CAMK2B: variants seen among roughly 807,000 people sequenced by gnomAD.
The protein encoded by CAMK2B is calcium/calmodulin-dependent protein kinase type II subunit beta.
Under a neutral mutation model 93.7 loss-of-function variants are expected in CAMK2B, and 27 were observed. That is an observed-to-expected ratio of 0.29 (90% CI 0.21 to 0.40). CAMK2B has a LOEUF of 0.40. Ranked by LOEUF, CAMK2B falls within the 10% of genes least tolerant of loss-of-function variation. CAMK2B has a pLI of 1.00. For missense variants in CAMK2B, 568 were observed against 895.8 expected, an observed-to-expected ratio of 0.63 and a Z score of 4.67; for synonymous variants, 374 against 358.8, an observed-to-expected ratio of 1.04 and a Z score of -0.48.
In CAMK2B at chr7:44,224,284, C is replaced by T. The variant is rs1434644454; in HGVS notation, c.1597+2232G>A. ...GCTCAACCCAGCCCCCACTCTGCCT[C>T]CCCACATAGCACATGGGAGCTTTTG... On this transcript the variant is annotated intron_variant, in intron 20 of 23. Transcript: ENST00000395749. The surrounding 1 kb of genome is among the most constrained non-coding windows in gnomAD (Gnocchi z 4.4). Among the ~76,000 whole-genome samples, 7 of 152,210 alleles carry T rather than the reference C, an allele frequency of 4.6e-5. No individual in the cohort carries two copies. The highest frequency in any genetic ancestry group is 1.7e-4 in the African/African-American group (7 of 41,450).
intron 1 of CAMK2B, among the ~76,000 whole-genome samples, chr7:44,324,412 GA>G (rs76285380): frequency 0.6 from 90,837 of 151,896 alleles, 27,477 homozygotes; most frequent in Middle Eastern, 0.7. Context: ...TTGATTCTCA[GA>G]ACGGGAGACC....
chr7:44,311,864 C>A lies in CAMK2B; in HGVS notation c.65+13493G>T, dbSNP rs1397182171. On this transcript the variant is annotated intron_variant, in intron 1 of 23. Transcript: ENST00000395749. This position sits in a 1 kb window ranked among gnomAD's most constrained non-coding sequence, Gnocchi z 4.2. ...CAGGGAAGGGTGACTGCGTGGCTGGCTCCCTGCACCGTGGACTGACCCTCA... is the reference window on the plus strand; with the variant it reads ...CAGGGAAGGGTGACTGCGTGGCTGGATCCCTGCACCGTGGACTGACCCTCA... Among the ~76,000 whole-genome samples, 1 of 152,022 alleles carries A rather than the reference C, an allele frequency of 6.6e-6. No homozygotes were observed. The highest frequency in any genetic ancestry group is 1.5e-5 in the Non-Finnish European group (1 of 67,990).
At chr7:44,245,634 T>G (rs1192228760) in intron 6 of CAMK2B, among the ~76,000 whole-genome samples, 1 of 152,012 alleles carries the variant, frequency 6.6e-6, no homozygotes, top group Non-Finnish European at 1.5e-5. Context: ...CAGAGGCGCC[T>G]GAGTGAGGCT....
chr7:44,325,488 C>T lies in CAMK2B; in HGVS notation c.-67G>A, dbSNP rs919413909. On this transcript the variant is annotated 5_prime_UTR_variant, in exon 1 of 24. Coordinates refer to ENST00000395749, the MANE Select transcript of CAMK2B (RefSeq NM_001220.5). ...GGCGGCGGCGACTCCGGCTCCCGCT[C>T]GCGGGCACGGCGGCGACACGGGCGC... 2.1e-6 allele frequency: 2 copies of T among 955,920 alleles called. No homozygotes were observed. Among genetic ancestry groups the T allele is most frequent in the Non-Finnish European group, 2.5e-6 (2 of 794,984 alleles). 59.2% of individuals were successfully genotyped at this position (955,920 alleles called of 1,614,324 possible).
intron 2 of CAMK2B, among the ~76,000 whole-genome samples, chr7:44,282,505 G>T (rs1169236335): frequency 1.3e-5 from 2 of 152,206 alleles, no homozygotes; most frequent in Non-Finnish European, 2.9e-5. Context: ...CCCCTCGTGG[G>T]CTGGGACACA....
rs1281287145 is a variant in CAMK2B, at chr7:44,247,102, A to G, written c.414+18T>C. The G allele has an allele frequency of 6.2e-7, 1 of 1,604,992 alleles. No individual in the cohort carries two copies. Among genetic ancestry groups the G allele is most frequent in the South Asian group, 1.1e-5 (1 of 90,786 alleles). ...TACAGACAACAGACACCTGGCACAG[A>G]GTGGGGTGGGGACTCACCTTGAGGT... On this transcript the variant is annotated intron_variant, in intron 6 of 23. Transcript: ENST00000395749.
In CAMK2B at chr7:44,299,366, T is replaced by C. The variant is rs184999161; in HGVS notation, c.66-15141A>G. The stretch of plus-strand genomic sequence containing the variant: ...TCATAGAGAGAAAGTAGAACAGAGG[T>C]TGCTGGAATAAGGAGAGAAGGGGAA... On this transcript the variant is annotated intron_variant, in intron 1 of 23. Coordinates refer to ENST00000395749, the MANE Select transcript of CAMK2B (RefSeq NM_001220.5). Among the ~76,000 whole-genome samples the C allele has an allele frequency of 7.9e-5, 12 of 152,068 alleles. No individual in the cohort carries two copies. The East Asian group carries it at 2.1e-3, about 27-fold the overall frequency.
intron 2 of CAMK2B, among the ~76,000 whole-genome samples, chr7:44,274,801 C>T (rs2097016420): frequency 6.6e-6 from 1 of 152,200 alleles, no homozygotes; most frequent in Non-Finnish European, 1.5e-5. Flanking sequence ...ACCAGGTCTT[C>T]AAACCTTGGG....
chr7:44,241,620 C>T, intron 11 of CAMK2B, 80 bp downstream of exon 11: 1 of 1,112,212 alleles, frequency 9.0e-7, no homozygotes, highest in African/African-American at 1.5e-5. Context: ...TCTGCCCAGA[C>T]CCCCCAAGGC....
chr7:44,290,273 C>T (rs993984619), intron 1 of CAMK2B, among the ~76,000 whole-genome samples: 10 of 152,196 alleles, frequency 6.6e-5, no homozygotes, highest in Non-Finnish European at 1.3e-4. Flanking sequence ...TTTTGTAAAT[C>T]GAAATTTCCC....
intron 1 of CAMK2B, among the ~76,000 whole-genome samples, chr7:44,319,776 G>A (rs554770494): frequency 5.3e-5 from 8 of 152,296 alleles, no homozygotes; most frequent in East Asian, 1.9e-4. Flanking sequence ...TGTGGCCAAC[G>A]CGTATGCACA....
intron 20 of CAMK2B, 147 bp from the exon 21 acceptor site, chr7:44,221,048 G>GC (rs546844805): frequency 3.7e-5 from 23 of 622,412 alleles, no homozygotes; most frequent in East Asian, 5.7e-5. Flanking sequence ...CCTCTCCGCC[G>GC]CCCCCCCTGC....
chr7:44,231,552 C>T (rs2096579545), intron 16 of CAMK2B, among the ~76,000 whole-genome samples: 2 of 152,216 alleles, frequency 1.3e-5, no homozygotes, highest in East Asian at 3.8e-4. Context: ...TGGCTGGTTC[C>T]AATGAAGCAG....
At chr7:44,250,167 TG>T (rs1006667053) in intron 5 of CAMK2B, among the ~76,000 whole-genome samples, 3 of 152,214 alleles carry the variant, frequency 2.0e-5, no homozygotes, top group Non-Finnish European at 2.9e-5. Context: ...GACAACCACC[TG>T]GCCTGGGACA....
chr7:44,233,028 C>T (rs992745115), intron 15 of CAMK2B, among the ~76,000 whole-genome samples, 162 bp from the exon 16 acceptor site: 3 of 151,916 alleles, frequency 2.0e-5, no homozygotes, highest in Non-Finnish European at 4.4e-5. Flanking sequence ...ATGGAGGCGG[C>T]GTGGAGCAGC....
At chr7:44,300,353 G>A (rs561783272) in intron 1 of CAMK2B, among the ~76,000 whole-genome samples, 31 of 152,098 alleles carry the variant, frequency 2.0e-4, no homozygotes, top group Middle Eastern at 3.4e-3. Flanking sequence ...GTAGAGACAC[G>A]GTGTTGCTAT....
intron 17 of CAMK2B, chr7:44,229,707 C>T (rs182481446): frequency 3.0e-4 from 137 of 462,080 alleles, no homozygotes; most frequent in African/African-American, 2.5e-3. Context: ...AAGGAGCCAA[C>T]ACGGGACCGG....
intron 3 of CAMK2B, among the ~76,000 whole-genome samples, chr7:44,261,747 G>C (rs970861668): frequency 6.6e-6 from 1 of 152,210 alleles, no homozygotes; most frequent in African/African-American, 2.4e-5. Context: ...CACAGACAGG[G>C]CTAAGTAAAA....
At chr7:44,279,056 G>T (rs770442922) in intron 2 of CAMK2B, among the ~76,000 whole-genome samples, 6 of 152,186 alleles carry the variant, frequency 3.9e-5, no homozygotes, top group Admixed American at 2.6e-4. Flanking sequence ...GGAAACCTCT[G>T]AATCATTAGA....
Sources: allele counts gnomAD v4.1 joint callset (sites outside exome capture counted in the v4.1 genomes callset), GRCh38; gene constraint gnomAD v4.1.1; non-coding constraint Gnocchi (gnomAD v3.1); transcripts MANE v1.5; gene names NCBI Gene and HGNC (gene_info 2026-07-23, HGNC 2026-07-21).